The following TACR2 variants were observed in gnomAD, a reference collection of about 807,000 sequenced individuals.
The protein encoded by TACR2 is substance-K receptor.
Under a neutral mutation model 28.9 loss-of-function variants are expected in TACR2, and 24 were observed. The ratio of observed to expected loss-of-function variants is 0.83; its 90% confidence interval spans 0.60 to 1.17. The LOEUF (loss-of-function observed/expected upper bound fraction) is 1.17, where lower values mean the gene tolerates loss of function less well. TACR2 is among the 50% of genes most tolerant of loss of function. The probability of loss-of-function intolerance (pLI) is 0.00; values close to 1 mark genes in which losing one functional copy is unlikely to be tolerated. For missense variants in TACR2, 487 were observed against 524.4 expected (o/e 0.93, Z 0.70); for synonymous variants, 222 against 212.6 (o/e 1.04, Z -0.38).
Position 69,404,937 on chromosome 10 carries a change from G to A in TACR2, c.1086C>T (p.Asp362=). The change falls in exon 5 of 5, where the codon GAC becomes GAT. Residue 362 remains aspartate, a synonymous_variant. Transcript: ENST00000373306. ...HTKETLFMAG[D]TAPSEATSGE... ...CACTGGTAGCCTCGGAGGGGGCTGT[G>A]TCCCCAGCCATGAACAAAGTCTCCT... 1.2e-6 allele frequency: 2 copies of A among 1,614,164 alleles called. No individual in the cohort carries two copies. Among genetic ancestry groups the A allele is most frequent in the Admixed American group, 1.7e-5 (1 of 60,018 alleles).
chr10:69,409,994 C>T (rs1840556079), intron 2 of TACR2, among the ~76,000 whole-genome samples: 1 of 148,720 alleles, frequency 6.7e-6, no homozygotes. Context: ...AAGGCTCCAT[C>T]TGCACCAACA....
Position 69,416,357 on chromosome 10 carries a change from T to C in TACR2, c.-34A>G, listed in dbSNP as rs1335042294. ...CTGGGTCTGGAACAAAGGACCTGGCTCCTCGGCTCCTCTCGGATTTGCTAT... is the reference window on the plus strand; with the variant it reads ...CTGGGTCTGGAACAAAGGACCTGGCCCCTCGGCTCCTCTCGGATTTGCTAT... On this transcript the variant is annotated 5_prime_UTR_variant, in exon 1 of 5. Transcript: ENST00000373306. 6.5e-7 allele frequency: 1 copy of C among 1,543,298 alleles called. No homozygotes were observed. The highest frequency in any genetic ancestry group is 2.3e-5 in the East Asian group (1 of 44,174).
Position 69,416,107 on chromosome 10 carries a change from C to T in TACR2, c.217G>A (p.Val73Ile), listed in dbSNP as rs200445225. 2.9e-5 allele frequency: 47 copies of T among 1,614,208 alleles called. No individual in the cohort carries two copies. The highest frequency in any genetic ancestry group is 1.1e-4 in the East Asian group (5 of 44,896). Residue 73 changes from valine (V) to isoleucine (I), a missense_variant, in exon 1 of 5, where the codon GTC (valine) becomes ATC (isoleucine). Transcript: ENST00000373306. ...CAGAGGTCAGCCAGCGCCAGATTGA[C>T]GATGAAGTAGTTGGTGACTGTGCGC... ...RMRTVTNYFI[V>I]NLALADLCMA...
chr10:69,414,220 C>T (rs1840592168), intron 2 of TACR2, among the ~76,000 whole-genome samples: 1 of 152,208 alleles, frequency 6.6e-6, no homozygotes, highest in African/African-American at 2.4e-5. Context: ...CTGCCTCCAG[C>T]CTGTGATGCC....
chr10:69,410,580 C>T (rs1840562344), intron 2 of TACR2, among the ~76,000 whole-genome samples: 1 of 150,894 alleles, frequency 6.6e-6, no homozygotes, highest in African/African-American at 2.4e-5. Context: ...TTATGAGTGA[C>T]GCTGCAGCCT....
intron 4 of TACR2, among the ~76,000 whole-genome samples, chr10:69,406,474 T>C (rs1840503302): frequency 6.6e-6 from 1 of 152,134 alleles, no homozygotes; most frequent in Non-Finnish European, 1.5e-5. Context: ...CCCTCCTTCC[T>C]GGCTGTCTCT....
chr10:69,404,858 G>A lies in TACR2; in HGVS notation c.1165C>T (p.Leu389Phe). The A allele has an allele frequency of 1.9e-6, 3 of 1,575,068 alleles. No individual in the cohort carries two copies. The highest frequency in any genetic ancestry group is 2.6e-6 in the Non-Finnish European group (3 of 1,156,126). ...TCAACATGAGTTTTGGTGGGGGCAA[G>A]CAAACCATACCCAAACCATAGCCCT... is the stretch of plus-strand genomic sequence containing the variant. ...GSGLWFGYGL[L>F]APTKTHVEI Residue 389 changes from leucine (L) to phenylalanine (F), a missense_variant, in exon 5 of 5, where the codon CTT (leucine) becomes TTT (phenylalanine). Leu to Phe is a conservative substitution (Grantham distance 22). Transcript: ENST00000373306.
rs1301962188 is a variant in TACR2, at chr10:69,404,475, A to T, written c.*351T>A. ...GTGTTGCTTTCATGGAATACCTGAG[A>T]CTAGGTAATTTATAAAGAAAAGAGG... On this transcript the variant is annotated 3_prime_UTR_variant, in exon 5 of 5. Transcript: ENST00000373306. 3 of 168,540 alleles carry T rather than the reference A, an allele frequency of 1.8e-5. No homozygotes were observed. The highest frequency in any genetic ancestry group is 3.8e-5 in the Non-Finnish European group (3 of 79,318). The allele number at this position is 168,540 out of a possible 1,614,324, so 10.4% of individuals were successfully genotyped here.
rs1241480170 is a variant in TACR2, at chr10:69,405,212, A to G, written c.939-128T>C. ...CACTGTCTCTCTCCAAGAGCCTCCCATGGCTCAGGGGCTCTTGAGAGATGC... is the reference window on the plus strand; with the variant it reads ...CACTGTCTCTCTCCAAGAGCCTCCCGTGGCTCAGGGGCTCTTGAGAGATGC... On this transcript the variant is annotated intron_variant, in intron 4 of 4. Coordinates refer to ENST00000373306, the MANE Select transcript of TACR2 (RefSeq NM_001057.3). The G allele has an allele frequency of 9.6e-6, 7 of 732,730 alleles. No individual in the cohort carries two copies. In the East Asian group the frequency reaches 1.6e-4, roughly 17 times the overall value. The allele number at this position is 732,730 out of a possible 1,614,324, so 45.4% of individuals were successfully genotyped here. A position where few individuals can be genotyped will look rare whatever the true frequency, so the allele number is the denominator to read the frequency against.
chr10:69,407,195 T>C lies in TACR2; in HGVS notation c.827A>G (p.Gln276Arg), dbSNP rs1276711225. The C allele has an allele frequency of 2.5e-6, 4 of 1,613,886 alleles. No individual in the cohort carries two copies. The highest frequency in any genetic ancestry group is 2.7e-5 in the African/African-American group (2 of 74,882). Residue 276 changes from glutamine (Q) to arginine (R), a missense_variant, in exon 4 of 5, where the codon CAG becomes CGG. Gln to Arg is a conservative substitution (Grantham distance 43). Coordinates refer to ENST00000373306, the MANE Select transcript of TACR2 (RefSeq NM_001057.3). Reference sequence around the variant, plus strand: ...GAACTTGTGGCAGTAGATGTCCTCCTGGAAGCTGCCCAGGATGAAGTAGAG... The same window carrying C: ...GAACTTGTGGCAGTAGATGTCCTCCCGGAAGCTGCCCAGGATGAAGTAGAG... ...YHLYFILGSF[Q>R]EDIYCHKFIQ...
In TACR2 at chr10:69,416,521, G is replaced by A. The variant is rs1840621261; in HGVS notation, c.-198C>T. 1 of 570,738 alleles carries A rather than the reference G, an allele frequency of 1.8e-6. No homozygotes were observed. The highest frequency in any genetic ancestry group is 3.5e-5 in the South Asian group (1 of 28,868). The allele number at this position is 570,738 out of a possible 1,614,324, so 35.4% of individuals were successfully genotyped here. ...TGAGCTGGGCTGAGCACAAAGCCCA[G>A]TCCAGAACCATTGTCATTTCAGATT... On this transcript the variant is annotated 5_prime_UTR_variant, in exon 1 of 5. Coordinates refer to ENST00000373306, the MANE Select transcript of TACR2 (RefSeq NM_001057.3).
Position 69,409,937 on chromosome 10 carries a change from ATATAT to A in TACR2, c.588-867_588-863del, listed in dbSNP as rs1564581193. Among the ~76,000 whole-genome samples the A allele has an allele frequency of 1.0e-3, 119 of 116,482 alleles. 2 individuals carry two copies. The highest frequency in any genetic ancestry group is 4.2e-3 in the Middle Eastern group (1 of 240). The allele number at this position is 116,482 out of a possible 152,430, so 76.4% of individuals were successfully genotyped here. ...TATATATATATATATATATATATAT[ATATAT>A]AATCTGTATCTGTCTGGATGGATAG... On this transcript the variant is annotated intron_variant, in intron 2 of 4. Transcript: ENST00000373306.
At chr10:69,406,480 T>C in intron 4 of TACR2, among the ~76,000 whole-genome samples, 1 of 152,114 alleles carries the variant, frequency 6.6e-6, no homozygotes, top group East Asian at 1.9e-4. Context: ...TTCCTGGCTG[T>C]CTCTGACAGG....
intron 2 of TACR2, among the ~76,000 whole-genome samples, chr10:69,409,942 T>TATAA (rs1554827816): frequency 6.9e-5 from 7 of 100,992 alleles, no homozygotes; most frequent in African/African-American, 2.8e-4. Context: ...TATATATATA[T>TATAA]AATCTGTATC....
At chr10:69,409,913 A>ATG (rs1196419354) in intron 2 of TACR2, among the ~76,000 whole-genome samples, 1 of 27,376 alleles carries the variant, frequency 3.7e-5, no homozygotes, top group East Asian at 5.9e-4. Context: ...ACATATATAT[A>ATG]TATATATATA....
intron 2 of TACR2, among the ~76,000 whole-genome samples, chr10:69,414,100 A>G (rs544086833): frequency 6.6e-6 from 1 of 152,298 alleles, no homozygotes; most frequent in Admixed American, 6.5e-5. Flanking sequence ...CCTGGGGACC[A>G]CAAAGACACA....
In TACR2 at chr10:69,404,925, G is replaced by A. The variant is rs1478970913; in HGVS notation, c.1098C>T (p.Ser366=). ...TLFMAGDTAP[S]EATSGEAGRP... ...GCCCCGCCTCCCCACTGGTAGCCTC[G>A]GAGGGGGCTGTGTCCCCAGCCATGA... Residue 366 remains serine, a synonymous_variant, in exon 5 of 5, where the codon TCC becomes TCT. Coordinates refer to ENST00000373306, the MANE Select transcript of TACR2 (RefSeq NM_001057.3). 4.3e-6 allele frequency: 7 copies of A among 1,614,094 alleles called. No homozygotes were observed. Among genetic ancestry groups the A allele is most frequent in the Admixed American group, 3.3e-5 (2 of 60,014 alleles).
chr10:69,415,224 G>A, intron 1 of TACR2, 85 bp from the exon 2 acceptor site: 1 of 1,432,878 alleles, frequency 7.0e-7, no homozygotes, highest in Non-Finnish European at 9.4e-7. Flanking sequence ...CCCAACCCAG[G>A]CCCACGCCTT....
rs201851949 is a variant in TACR2 at position 69,414,931 on chromosome 10, C to T, written c.587+14G>A. On this transcript the variant is annotated intron_variant, in intron 2 of 4. Coordinates refer to ENST00000373306, the MANE Select transcript of TACR2 (RefSeq NM_001057.3). The stretch of plus-strand genomic sequence containing the variant: ...CACACACTGTTGCCCTCCACAATCC[C>T]CCAGAGGCCTTACAGGAGGAGCGTC... 41 of 1,602,950 alleles carry T rather than the reference C, an allele frequency of 2.6e-5. No individual in the cohort carries two copies. The African/African-American group carries it at 2.9e-4, about 11-fold the overall frequency.
Sources: gnomAD v4.1 joint callset for allele counts (sites outside exome capture counted in the v4.1 genomes callset) on GRCh38, gnomAD v4.1.1 for gene constraint, MANE v1.5 for transcripts, NCBI Gene and HGNC (gene_info 2026-07-23, HGNC 2026-07-21) for gene names.